The following CLDN16 variants were observed in gnomAD, a reference collection of about 807,000 sequenced individuals.
CLDN16 encodes claudin-16.
A neutral mutation model predicts 24.6 loss-of-function variants in CLDN16; 13 were observed. The observed-to-expected ratio is 0.53, with a 90% CI of 0.34 to 0.84. The LOEUF (loss-of-function observed/expected upper bound fraction) is 0.84. Ranked by LOEUF, CLDN16 falls within the 40% of genes least tolerant of loss-of-function variation. The pLI, the probability that CLDN16 is intolerant of heterozygous loss-of-function variation, is 0.01. For missense variants in CLDN16, 298 were observed against 292.7 expected (o/e 1.02, Z -0.13); for synonymous variants, 116 against 106.7 (o/e 1.09, Z -0.54).
chr3:190,295,299 GA>G, the CLDN16 span, among the ~76,000 whole-genome samples: 2 of 151,912 alleles, frequency 1.3e-5, no homozygotes, highest in East Asian at 1.9e-4. Flanking sequence ...TAAACTCAGA[GA>G]AAAAAAGCAT....
intron 2 of CLDN16, among the ~76,000 whole-genome samples, chr3:190,372,126 A>G (rs893860716): frequency 6.6e-6 from 1 of 151,944 alleles, no homozygotes; most frequent in Non-Finnish European, 1.5e-5. Context: ...AGGATTAGCT[A>G]TACTTGAGGC....
chr3:190,320,247 A>G (rs1716883032), upstream of CLDN16, among the ~76,000 whole-genome samples: 1 of 152,254 alleles, frequency 6.6e-6, no homozygotes, highest in Non-Finnish European at 1.5e-5. Flanking sequence ...AAGTTAAAAG[A>G]AAACCTATTT....
the CLDN16 span, among the ~76,000 whole-genome samples, chr3:190,309,861 A>G: frequency 1.3e-5 from 2 of 152,214 alleles, no homozygotes; most frequent in African/African-American, 4.8e-5. Flanking sequence ...TCAAAAAGGA[A>G]ATTTCAAATA....
At chr3:190,330,036 G>A (rs776574904) in intron 1 of CLDN16, among the ~76,000 whole-genome samples, 39 of 150,904 alleles carry the variant, frequency 2.6e-4, no homozygotes, top group Non-Finnish European at 5.2e-4. Context: ...TATCTCAACC[G>A]TCCCCCCTCC....
chr3:190,334,394 T>TGC (rs1717253651), intron 1 of CLDN16, among the ~76,000 whole-genome samples: 1 of 152,210 alleles, frequency 6.6e-6, no homozygotes, highest in Non-Finnish European at 1.5e-5. Flanking sequence ...CAAAATGGAA[T>TGC]AAAGAGACTG....
rs1162535109 is a variant in CLDN16, at chr3:190,395,047, G to C, written c.114+6604G>C. Among the ~76,000 whole-genome samples, 3 of 152,054 alleles carry C rather than the reference G, an allele frequency of 2.0e-5. No homozygotes were observed. The East Asian group carries it at 5.8e-4, about 29-fold the overall frequency. On this transcript the variant is annotated intron_variant, in intron 1 of 4. Coordinates refer to ENST00000264734, the MANE Select transcript of CLDN16 (RefSeq NM_006580.4). ...TAATAATTTACTCAACATAAATTGTGATCTTTATCACTGGGCAATAATCAT... is the reference window on the plus strand; with the variant it reads ...TAATAATTTACTCAACATAAATTGTCATCTTTATCACTGGGCAATAATCAT...
intron 3 of CLDN16, among the ~76,000 whole-genome samples, chr3:190,375,311 T>C (rs1300889147): frequency 1.3e-5 from 2 of 151,976 alleles, no homozygotes; most frequent in Non-Finnish European, 2.9e-5. Flanking sequence ...TTTTCCAACT[T>C]GGTATTTAAT....
intron 1 of CLDN16, among the ~76,000 whole-genome samples, chr3:190,393,484 A>G (rs940215684): frequency 6.6e-6 from 1 of 152,206 alleles, no homozygotes; most frequent in Non-Finnish European, 1.5e-5. Context: ...CAATACACAC[A>G]TCATAAGTTT....
At chr3:190,351,541 A>T (rs976692631) in intron 1 of CLDN16, among the ~76,000 whole-genome samples, 9 of 152,214 alleles carry the variant, frequency 5.9e-5, no homozygotes, top group Non-Finnish European at 1.3e-4. Context: ...AAACCAGTGA[A>T]TTTAAAACAA....
chr3:190,385,307 C>A (rs761870354), upstream of CLDN16, among the ~76,000 whole-genome samples: 2 of 152,166 alleles, frequency 1.3e-5, no homozygotes, highest in Non-Finnish European at 2.9e-5. Flanking sequence ...CAACACCCTA[C>A]ACATTTCTTA....
intron 1 of CLDN16, among the ~76,000 whole-genome samples, chr3:190,343,556 T>G (rs1455644358): frequency 2.2e-4 from 33 of 152,112 alleles, no homozygotes. Flanking sequence ...ACAACCTAGG[T>G]GTACATCAGT....
intron 1 of CLDN16, among the ~76,000 whole-genome samples, chr3:190,348,891 C>T (rs914993678): frequency 2.6e-5 from 4 of 152,128 alleles, no homozygotes; most frequent in Admixed American, 6.5e-5. Flanking sequence ...CATTTAGCTC[C>T]CACTTATAAG....
At chr3:190,302,779 A>AAT in the CLDN16 span, among the ~76,000 whole-genome samples, 1,686 of 140,180 alleles carry the variant, frequency 0.012, 17 homozygotes, top group East Asian at 0.037. Flanking sequence ...CTCAAAAAAA[A>AAT]ATATATATAT....
intron 2 of CLDN16, among the ~76,000 whole-genome samples, chr3:190,372,931 C>T (rs1718172086): frequency 6.6e-6 from 1 of 151,904 alleles, no homozygotes; most frequent in African/African-American, 2.4e-5. Flanking sequence ...AGCCATTTAA[C>T]CCCTCATCTT....
chr3:190,322,534 G>A, upstream of CLDN16: 26 of 332,666 alleles, frequency 7.8e-5, no homozygotes, highest in East Asian at 1.5e-4. Context: ...TTTCAGGGCG[G>A]CTCACCGAGA....
chr3:190,360,256 T>C (rs1717859938), intron 1 of CLDN16, among the ~76,000 whole-genome samples: 1 of 151,970 alleles, frequency 6.6e-6, no homozygotes, highest in South Asian at 2.1e-4. Context: ...ATAGGAACAT[T>C]TTCTAAGCTT....
chr3:190,364,256 G>C (rs570216559), intron 1 of CLDN16, among the ~76,000 whole-genome samples: 13 of 151,948 alleles, frequency 8.6e-5, no homozygotes, highest in African/African-American at 3.1e-4. Context: ...ACCCACATGT[G>C]AATATAGTTT....
the CLDN16 span, chr3:190,308,159 T>C: frequency 1.6e-6 from 2 of 1,216,494 alleles, no homozygotes; most frequent in South Asian, 1.2e-5. Context: ...TTTGTTTGTT[T>C]TGTAATACCA....
chr3:190,365,223 G>A (rs1717994920), intron 1 of CLDN16, among the ~76,000 whole-genome samples: 1 of 151,682 alleles, frequency 6.6e-6, no homozygotes, highest in African/African-American at 2.4e-5. Flanking sequence ...AGCACCACTG[G>A]CCTATGTTCT....
Sources: gnomAD v4.1 joint callset for allele counts (sites outside exome capture counted in the v4.1 genomes callset) on GRCh38, gnomAD v4.1.1 for gene constraint, MANE v1.5 for transcripts, NCBI Gene and HGNC (gene_info 2026-07-23, HGNC 2026-07-21) for gene names.